The following ADAM10 variants were observed in gnomAD, a reference collection of about 807,000 sequenced individuals.
The protein encoded by ADAM10 is ADAM metallopeptidase domain 10.
In ADAM10, 17 loss-of-function variants were observed where a neutral mutation model predicts 90.1. The ratio of observed to expected loss-of-function variants is 0.19; its 90% CI spans 0.13 to 0.28. ADAM10 has a LOEUF of 0.28. Among genes scored for constraint, ADAM10 ranks in the 10% least tolerant of loss-of-function variants. The pLI, the probability that ADAM10 is intolerant of heterozygous loss-of-function variation, is 1.00. For synonymous variants in ADAM10, 310 were observed against 298.6 expected, an observed-to-expected ratio of 1.04 and a Z score of -0.40; for missense variants, 610 against 914.3, an observed-to-expected ratio of 0.67 and a Z score of 4.29.
chr15:58,644,267 T>C (rs548912812), intron 6 of ADAM10, among the ~76,000 whole-genome samples: 1 of 151,618 alleles, frequency 6.6e-6, no homozygotes, highest in South Asian at 2.1e-4. Context: ...TCTTGCTCTG[T>C]TGCCCACGCT....
At chr15:58,681,497 T>C (rs1897441102) in intron 3 of ADAM10, among the ~76,000 whole-genome samples, 1 of 152,224 alleles carries the variant, frequency 6.6e-6, no homozygotes, top group South Asian at 2.1e-4. Flanking sequence ...AGTTTAACAC[T>C]GTCTTAAGTG....
chr15:58,749,040 G>A, intron 1 of ADAM10: 1 of 399,080 alleles, frequency 2.5e-6, no homozygotes, highest in Non-Finnish European at 4.4e-6. Context: ...GCAGGGGCTG[G>A]GGGAGGAATG....
intron 7 of ADAM10, among the ~76,000 whole-genome samples, chr15:58,641,697 TA>T (rs556132254): frequency 1.6e-3 from 241 of 152,334 alleles, no homozygotes; most frequent in Admixed American, 2.7e-3. Context: ...TTTTATTTAT[TA>T]GCCCCTGCAT....
chr15:58,660,462 C>T (rs1397496220), intron 5 of ADAM10, among the ~76,000 whole-genome samples: 8 of 151,646 alleles, frequency 5.3e-5, no homozygotes, highest in African/African-American at 1.2e-4. Flanking sequence ...TCTTAATTAA[C>T]GTGCTTAGTC....
chr15:58,590,758 T>C lies in ADAM10; in HGVS notation c.*6789A>G, dbSNP rs1370463409. ...AAGGGAAGAAAACGATAATAAAATA[T>C]TCATTTAAAATAAAGAATAAAATTG... On this transcript the variant is annotated 3_prime_UTR_variant, in exon 16 of 16. Coordinates refer to ENST00000260408, the MANE Select transcript of ADAM10 (RefSeq NM_001110.4). 2 of 152,190 alleles carry C rather than the reference T, an allele frequency of 1.3e-5. No homozygotes were observed. The highest frequency in any genetic ancestry group is 4.8e-5 in the African/African-American group (2 of 41,450). The allele number at this position is 152,190 out of a possible 1,614,324, so 9.4% of individuals were successfully genotyped here.
At chr15:58,687,865 G>T (rs57887445) in intron 2 of ADAM10, among the ~76,000 whole-genome samples, 4,349 of 152,242 alleles carry the variant, frequency 0.029, 146 homozygotes, top group East Asian at 0.083. Context: ...TATGGAGATG[G>T]AGAACCAATT....
At chr15:58,609,886 G>C (rs1895389005) in intron 14 of ADAM10, 1 of 232,544 alleles carries the variant, frequency 4.3e-6, no homozygotes, top group African/African-American at 2.3e-5. Context: ...TTACAAACAA[G>C]ATAAAGACCC....
intron 2 of ADAM10, chr15:58,692,046 G>A (rs1354248714): frequency 6.4e-6 from 3 of 468,548 alleles, no homozygotes; most frequent in South Asian, 1.5e-5. Flanking sequence ...CCCGGGAGAT[G>A]TTTGGGGAAA....
At chr15:58,602,502 C>G (rs1399318992) in intron 14 of ADAM10, among the ~76,000 whole-genome samples, 6 of 152,118 alleles carry the variant, frequency 3.9e-5, no homozygotes, top group Non-Finnish European at 5.9e-5. Flanking sequence ...ACTATAGCTC[C>G]CCAACTTTGG....
chr15:58,679,373 T>C (rs1457377148), intron 3 of ADAM10, 91 bp from the exon 4 acceptor site: 29 of 1,110,252 alleles, frequency 2.6e-5, no homozygotes, highest in African/African-American at 2.0e-4. Context: ...TGTATATATA[T>C]ACACACATGC....
chr15:58,732,004 T>C lies in ADAM10; in HGVS notation c.56-14277A>G, dbSNP rs111699210. 9.0e-3 allele frequency among the ~76,000 whole-genome samples: 1,369 copies of C among 152,288 alleles called. 10 individuals are homozygous for C. The highest frequency in any genetic ancestry group is 0.015 in the Non-Finnish European group (1,038 of 68,022). On this transcript the variant is annotated intron_variant, in intron 1 of 15. Coordinates refer to ENST00000260408, the MANE Select transcript of ADAM10 (RefSeq NM_001110.4). Reference sequence around the variant, plus strand: ...TCTAGAAGGAAAAGAGCCTGGTGTTTGTGAAGATCTGCAGATCCTACATGT... The same window carrying C: ...TCTAGAAGGAAAAGAGCCTGGTGTTCGTGAAGATCTGCAGATCCTACATGT...
chr15:58,722,304 T>A (rs1898881602), intron 1 of ADAM10, among the ~76,000 whole-genome samples: 1 of 151,988 alleles, frequency 6.6e-6, no homozygotes, highest in Non-Finnish European at 1.5e-5. Context: ...ATCGCACCAC[T>A]GCACTTCAGC....
chr15:58,715,122 TA>T (rs1422064413), intron 2 of ADAM10, among the ~76,000 whole-genome samples: 14 of 152,050 alleles, frequency 9.2e-5, no homozygotes, highest in African/African-American at 3.4e-4. Flanking sequence ...AGATTTGTGT[TA>T]AAAGCACCCT....
chr15:58,724,446 AGAT>A (rs1298639010), intron 1 of ADAM10, among the ~76,000 whole-genome samples: 2 of 152,238 alleles, frequency 1.3e-5, no homozygotes, highest in Non-Finnish European at 2.9e-5. Flanking sequence ...ACTAGATAAA[AGAT>A]GTGACAAGAG....
chr15:58,735,514 C>T (rs1899401426), intron 1 of ADAM10, among the ~76,000 whole-genome samples: 1 of 152,146 alleles, frequency 6.6e-6, no homozygotes, highest in South Asian at 2.1e-4. Flanking sequence ...TATTTGCATA[C>T]AACCTATGCA....
rs150654398 is a variant in ADAM10 at position 58,597,074 on chromosome 15, C to A, written c.*473G>T. On this transcript the variant is annotated 3_prime_UTR_variant, in exon 16 of 16. Transcript: ENST00000260408. ...CAATTGCACACAGAAGTACAGTGTACGTAAGAAATACATGTCTGCATATAA... is the reference window on the plus strand; with the variant it reads ...CAATTGCACACAGAAGTACAGTGTAAGTAAGAAATACATGTCTGCATATAA... The A allele has an allele frequency of 1.2e-4, 31 of 261,624 alleles. No individual in the cohort carries two copies. The highest frequency in any genetic ancestry group is 2.9e-4 in the African/African-American group (13 of 44,554). 16.2% of individuals were successfully genotyped at this position (261,624 alleles called of 1,614,324 possible).
At chr15:58,691,571 A>G (rs1443786608) in intron 2 of ADAM10, 1 of 508,376 alleles carries the variant, frequency 2.0e-6, no homozygotes, top group Non-Finnish European at 3.9e-6. Flanking sequence ...TAGAGTCCTC[A>G]TGGATTCCAA....
chr15:58,674,971 C>T (rs1596055655), intron 4 of ADAM10, among the ~76,000 whole-genome samples: 4 of 152,298 alleles, frequency 2.6e-5, no homozygotes, highest in Admixed American at 6.5e-5. Context: ...GGGCGGATCA[C>T]GAGGTCAAGA....
chr15:58,682,251 T>C lies in ADAM10; in HGVS notation c.270A>G (p.Thr90=), dbSNP rs1897462551. 2 of 1,613,128 alleles carry C rather than the reference T, an allele frequency of 1.2e-6. No individual in the cohort carries two copies. Among genetic ancestry groups the C allele is most frequent in the African/African-American group, 1.3e-5 (1 of 74,920 alleles). Residue 90 remains threonine (T), a synonymous_variant, in exon 3 of 16, where the codon ACA becomes ACG. Transcript: ENST00000260408. ...TATCATAATCAAGTACTTTATTTGA[T>C]GTTTCTACTTTAAATTCATCACTGA... ...SLFSDEFKVE[T]SNKVLDYDTS...
Sources: allele counts gnomAD v4.1 joint callset (sites outside exome capture counted in the v4.1 genomes callset), GRCh38; gene constraint gnomAD v4.1.1; transcripts MANE v1.5; gene names NCBI Gene and HGNC (gene_info 2026-07-23, HGNC 2026-07-21).